BRINP3: variants seen among roughly 807,000 people sequenced by gnomAD.
The protein encoded by BRINP3 is BMP/retinoic acid-inducible neural-specific protein 3.
Under a neutral mutation model 71.0 loss-of-function variants are expected in BRINP3, and 19 were observed. The ratio of observed to expected loss-of-function variants is 0.27; its 90% CI spans 0.19 to 0.39. The LOEUF (loss-of-function observed/expected upper bound fraction) is 0.39, where lower values mean the gene tolerates loss of function less well. Among genes scored for constraint, BRINP3 ranks in the 10% least tolerant of loss-of-function variants. The pLI is 1.00. For missense variants in BRINP3, 959 were observed against 940.8 expected, an observed-to-expected ratio of 1.02 and a Z score of -0.25; for synonymous variants, 380 against 337.7, an observed-to-expected ratio of 1.13 and a Z score of -1.37.
intron 2 of BRINP3, among the ~76,000 whole-genome samples, chr1:190,383,449 C>G (rs1361754975): frequency 6.6e-6 from 1 of 152,016 alleles, no homozygotes; most frequent in East Asian, 1.9e-4. Context: ...TATCTAAATT[C>G]TGGATATTTT....
chr1:190,148,215 T>C (rs1223223831), intron 7 of BRINP3, among the ~76,000 whole-genome samples: 1 of 152,112 alleles, frequency 6.6e-6, no homozygotes, highest in Non-Finnish European at 1.5e-5. Context: ...CTCTTCTCAA[T>C]GAAATATCAG....
intron 2 of BRINP3, among the ~76,000 whole-genome samples, chr1:190,398,709 T>C (rs1218194022): frequency 1.3e-5 from 2 of 152,040 alleles, no homozygotes; most frequent in African/African-American, 4.8e-5. Context: ...GTGTTTTATG[T>C]TTACATTTTA....
At chr1:190,347,932 T>C (rs929220389) in intron 2 of BRINP3, among the ~76,000 whole-genome samples, 2 of 152,166 alleles carry the variant, frequency 1.3e-5, no homozygotes, top group African/African-American at 4.8e-5. Context: ...AGGTTATGCA[T>C]TGAAGACTGT....
chr1:190,186,770 CA>C (rs1653563726), intron 6 of BRINP3, among the ~76,000 whole-genome samples: 1 of 151,930 alleles, frequency 6.6e-6, no homozygotes, highest in Admixed American at 6.6e-5. Flanking sequence ...ATAACTTCTC[CA>C]AATTCAGAAG....
chr1:190,275,922 T>C (rs1364089828), intron 3 of BRINP3, among the ~76,000 whole-genome samples: 1 of 151,332 alleles, frequency 6.6e-6, no homozygotes, highest in African/African-American at 2.4e-5. Flanking sequence ...ACTTCAGATA[T>C]TTTATTTTAT....
intron 4 of BRINP3, among the ~76,000 whole-genome samples, chr1:190,243,593 TTAATAA>T (rs923943302): frequency 6.6e-6 from 1 of 152,066 alleles, no homozygotes; most frequent in Non-Finnish European, 1.5e-5. Context: ...GTTTTCAATA[TTAATAA>T]TAATAAAAGT....
At position 190,098,069 on chromosome 1, in the gene BRINP3, A is replaced by C. The variant is rs1326775929; in HGVS notation, c.2250T>G (p.Asn750Lys). The change falls in exon 8 of 8, where the codon AAT becomes AAG. Residue 750 changes from asparagine to lysine, a missense_variant. Transcript: ENST00000367462. ...VRIQSALQAF[N>K]AKLPNTMDYD... ...AATCCATTGTGTTTGGCAATTTGGCATTAAACGCCTGCAGAGCAGATTGGA... is the reference window on the plus strand; with the variant it reads ...AATCCATTGTGTTTGGCAATTTGGCCTTAAACGCCTGCAGAGCAGATTGGA... 1 of 1,613,878 alleles carries C rather than the reference A, an allele frequency of 6.2e-7. No individual in the cohort carries two copies. Among genetic ancestry groups the C allele is most frequent in the Admixed American group, 1.7e-5 (1 of 59,968 alleles).
intron 3 of BRINP3, among the ~76,000 whole-genome samples, chr1:190,277,743 C>A (rs778483037): frequency 6.6e-6 from 1 of 151,620 alleles, no homozygotes; most frequent in Admixed American, 6.6e-5. Context: ...CAAAAATGGT[C>A]ATTAAATATA....
chr1:190,104,903 A>T (rs1049687962), intron 7 of BRINP3, among the ~76,000 whole-genome samples: 1 of 152,114 alleles, frequency 6.6e-6, no homozygotes, highest in Non-Finnish European at 1.5e-5. Context: ...ACAAACTTTA[A>T]AACCTAAACT....
intron 2 of BRINP3, among the ~76,000 whole-genome samples, chr1:190,319,582 G>C (rs1156434954): frequency 6.6e-6 from 1 of 152,072 alleles, no homozygotes; most frequent in African/African-American, 2.4e-5. Flanking sequence ...GCATCAAAAA[G>C]CTTCAAATCA....
intron 6 of BRINP3, among the ~76,000 whole-genome samples, chr1:190,184,920 A>C (rs1435707159): frequency 2.6e-5 from 4 of 152,162 alleles, no homozygotes; most frequent in Admixed American, 6.6e-5. Context: ...AAAAAGAAAA[A>C]AAATGAAATC....
chr1:190,307,764 GTACTT>G (rs2103016416), intron 2 of BRINP3, among the ~76,000 whole-genome samples: 1 of 151,788 alleles, frequency 6.6e-6, no homozygotes, highest in Admixed American at 6.6e-5. Context: ...CCTTCCATCT[GTACTT>G]TACAACACTA....
chr1:190,365,835 T>TATATATATATATATAC (rs1553303272), intron 2 of BRINP3, among the ~76,000 whole-genome samples: 1 of 136,758 alleles, frequency 7.3e-6, no homozygotes, highest in Admixed American at 7.4e-5. Context: ...TATATATATA[T>TATATATATATATATAC]ACACACACAC....
At chr1:190,175,280 C>G (rs139180840) in intron 6 of BRINP3, among the ~76,000 whole-genome samples, 4 of 152,180 alleles carry the variant, frequency 2.6e-5, no homozygotes, top group African/African-American at 9.6e-5. Context: ...ATATTTTTAG[C>G]TTCCAAATAA....
chr1:190,118,818 CTT>C (rs975985515), intron 7 of BRINP3, among the ~76,000 whole-genome samples: 10 of 152,072 alleles, frequency 6.6e-5, no homozygotes. Flanking sequence ...GGGAAAAAGA[CTT>C]TTTGTTTTTC....
At chr1:190,346,219 C>T (rs1455976201) in intron 2 of BRINP3, among the ~76,000 whole-genome samples, 1 of 151,714 alleles carries the variant, frequency 6.6e-6, no homozygotes, top group African/African-American at 2.4e-5. Flanking sequence ...CTGCAAAAGC[C>T]TTATTACCTA....
intron 6 of BRINP3, among the ~76,000 whole-genome samples, chr1:190,171,620 T>G (rs1404113724): frequency 2.0e-5 from 3 of 152,194 alleles, no homozygotes; most frequent in African/African-American, 7.2e-5. Context: ...GTTACATATA[T>G]TAAATGAAAA....
intron 2 of BRINP3, among the ~76,000 whole-genome samples, chr1:190,379,784 G>C (rs1270829942): frequency 2.0e-5 from 3 of 151,958 alleles, no homozygotes; most frequent in African/African-American, 4.8e-5. Context: ...CGGATCATGA[G>C]GTCAGGAGTC....
intron 2 of BRINP3, among the ~76,000 whole-genome samples, chr1:190,440,960 G>A (rs912174426): frequency 6.6e-6 from 1 of 151,836 alleles, no homozygotes; most frequent in African/African-American, 2.4e-5. Flanking sequence ...GTCCTAGATT[G>A]TATTTTTATA....
Sources: allele counts gnomAD v4.1 joint callset (sites outside exome capture counted in the v4.1 genomes callset), GRCh38; gene constraint gnomAD v4.1.1; transcripts MANE v1.5; gene names NCBI Gene and HGNC (gene_info 2026-07-23, HGNC 2026-07-21).